Variants in FSD2 observed in about 807,000 individuals in gnomAD.
The protein encoded by FSD2 is fibronectin type III and SPRY domain-containing protein 2.
A neutral mutation model predicts 80.4 loss-of-function variants in FSD2; 71 were observed. The ratio of observed to expected loss-of-function variants is 0.88; its 90% CI spans 0.73 to 1.08. The LOEUF (loss-of-function observed/expected upper bound fraction) is 1.08, where lower values mean the gene tolerates loss of function less well. Ranked by LOEUF, FSD2 falls within the 50% of genes least tolerant of loss-of-function variation. FSD2 has a pLI of 0.00. For missense variants in FSD2, 923 were observed against 913.8 expected (o/e 1.01, Z -0.13); for synonymous variants, 361 against 329.5 (o/e 1.10, Z -1.03).
chr15:82,798,971 G>A lies in FSD2; in HGVS notation c.-79+6995C>T, dbSNP rs887498868. Among the ~76,000 whole-genome samples, 5 of 141,800 alleles carry A rather than the reference G, an allele frequency of 3.5e-5. No homozygotes were observed. The South Asian group carries it at 1.1e-3, about 31-fold the overall frequency. The allele number at this position is 141,800 out of a possible 152,430, so 93.0% of individuals were successfully genotyped here. On this transcript the variant is annotated intron_variant, in intron 1 of 12. Transcript: ENST00000334574. ...CAGCTCACTGCAGCCTTGACCTTCT[G>A]GGCTCAAACAATCCTCCCACCTCAG... is the stretch of plus-strand genomic sequence containing the variant.
chr15:82,765,065 T>C, intron 11 of FSD2, 101 bp downstream of exon 11: 1 of 1,359,866 alleles, frequency 7.4e-7, no homozygotes, highest in Non-Finnish European at 9.8e-7. Flanking sequence ...AGGATTCCTT[T>C]TCCCTCGAGG....
intron 6 of FSD2, among the ~76,000 whole-genome samples, chr15:82,775,019 C>G (rs1411834632): frequency 6.6e-6 from 1 of 151,686 alleles, no homozygotes; most frequent in Non-Finnish European, 1.5e-5. Flanking sequence ...CGCGCCTGGC[C>G]TTGTTTCTAA....
chr15:82,770,426 C>T (rs1183591571), intron 7 of FSD2, among the ~76,000 whole-genome samples: 1 of 152,208 alleles, frequency 6.6e-6, no homozygotes, highest in Non-Finnish European at 1.5e-5. Context: ...AGTCCCAGCA[C>T]TTTGGGAGGC....
chr15:82,793,063 C>G (rs2050187342), intron 1 of FSD2, among the ~76,000 whole-genome samples: 1 of 152,064 alleles, frequency 6.6e-6, no homozygotes. Flanking sequence ...CCACCTGGTC[C>G]TAGACTTTTC....
chr15:82,771,391 C>T (rs1239455385), intron 7 of FSD2, among the ~76,000 whole-genome samples: 1 of 152,230 alleles, frequency 6.6e-6, no homozygotes, highest in African/African-American at 2.4e-5. Context: ...TTGAAATCTT[C>T]ACATGTTCAG....
chr15:82,787,524 G>A lies in FSD2; in HGVS notation c.-78-56C>T. On this transcript the variant is annotated intron_variant, in intron 1 of 12. Coordinates refer to ENST00000334574, the MANE Select transcript of FSD2 (RefSeq NM_001007122.4). The stretch of plus-strand genomic sequence containing the variant: ...TCTGGAGAAGGGCATTGCAGTAGAT[G>A]ATCATTAGATTGGGCTCTACTCATA... 3 of 781,428 alleles carry A rather than the reference G, an allele frequency of 3.8e-6. No homozygotes were observed. The South Asian group carries it at 6.4e-5, about 17-fold the overall frequency. The allele number at this position is 781,428 out of a possible 1,614,324, so 48.4% of individuals were successfully genotyped here. A position where few individuals can be genotyped will look rare whatever the true frequency, so the allele number is the denominator to read the frequency against.
chr15:82,773,739 G>T (rs1179381076), intron 6 of FSD2, among the ~76,000 whole-genome samples: 4 of 152,016 alleles, frequency 2.6e-5, no homozygotes. Flanking sequence ...TTACAGTATG[G>T]TTTACAATGG....
chr15:82,780,158 C>T (rs1038352537), intron 5 of FSD2, 87 bp downstream of exon 5: 17 of 916,634 alleles, frequency 1.9e-5, no homozygotes, highest in Middle Eastern at 2.1e-4. Context: ...AAACTGGAAC[C>T]GTATAACCAA....
At chr15:82,805,682 T>TCC (rs971228372) in intron 1 of FSD2, among the ~76,000 whole-genome samples, 1 of 152,184 alleles carries the variant, frequency 6.6e-6, no homozygotes, top group Non-Finnish European at 1.5e-5. Context: ...AACTAATGGG[T>TCC]CCCAGCACTA....
At chr15:82,797,427 G>GTAATTT (rs2050302743) in intron 1 of FSD2, among the ~76,000 whole-genome samples, 1 of 152,190 alleles carries the variant, frequency 6.6e-6, no homozygotes, top group African/African-American at 2.4e-5. Flanking sequence ...TCTAAAATAT[G>GTAATTT]TAATTTTCAT....
intron 1 of FSD2, among the ~76,000 whole-genome samples, chr15:82,789,939 G>A (rs1234175594): frequency 6.6e-6 from 1 of 152,126 alleles, no homozygotes; most frequent in Non-Finnish European, 1.5e-5. Flanking sequence ...CACTTTTGGA[G>A]GCCAAGATGG....
At chr15:82,778,127 CATATATATAT>C (rs34527251) in intron 6 of FSD2, among the ~76,000 whole-genome samples, 34 of 83,938 alleles carry the variant, frequency 4.1e-4, no homozygotes, top group East Asian at 7.3e-4. Flanking sequence ...ACAAAAAAAC[CATATATATAT>C]ATATATATAT....
Position 82,790,544 on chromosome 15 carries a change from T to TTGTGTGTG in FSD2, c.-78-3084_-78-3077dup, listed in dbSNP as rs57545404. ...TTTCTTCCTGGCACAGAGCTGCCATTTGTGTGTGTGTGTGTGTGTGTGTTC... is the reference window on the plus strand; with the variant it reads ...TTTCTTCCTGGCACAGAGCTGCCATTTGTGTGTGTGTGTGTGTGTGTGTGTGTGTGTTC... On this transcript the variant is annotated intron_variant, in intron 1 of 12. Transcript: ENST00000334574. 2.7e-3 allele frequency among the ~76,000 whole-genome samples: 404 copies of TTGTGTGTG among 148,778 alleles called. 2 individuals are homozygous for TTGTGTGTG. Among genetic ancestry groups the TTGTGTGTG allele is most frequent in the African/African-American group, 7.3e-3 (297 of 40,462 alleles).
intron 7 of FSD2, among the ~76,000 whole-genome samples, chr15:82,770,405 C>T (rs1157646211): frequency 6.6e-6 from 1 of 152,244 alleles, no homozygotes; most frequent in African/African-American, 2.4e-5. Context: ...GGCGCGGTAG[C>T]TCATGCCTAT....
chr15:82,764,925 C>A (rs947253327), intron 11 of FSD2, among the ~76,000 whole-genome samples: 1 of 152,062 alleles, frequency 6.6e-6, no homozygotes, highest in Non-Finnish European at 1.5e-5. Context: ...ACCATGCCCT[C>A]CCAGGGGACC....
At position 82,756,158 on chromosome 15, in the gene FSD2, T is replaced by G. The variant is rs1567292970; in HGVS notation, c.*3190A>C. The G allele has an allele frequency of 3.1e-6, 1 of 327,086 alleles. No individual in the cohort carries two copies. The highest frequency in any genetic ancestry group is 6.2e-6 in the Non-Finnish European group (1 of 160,098). 20.3% of individuals were successfully genotyped at this position (327,086 alleles called of 1,614,324 possible). A position where few individuals can be genotyped will look rare whatever the true frequency, so the allele number is the denominator to read the frequency against. On this transcript the variant is annotated 3_prime_UTR_variant, in exon 13 of 13. Transcript: ENST00000334574. ...ACTGGAGAAAGACATAGTGAACATG[T>G]GAGAATCTTGCTCTACTAATTGATA...
chr15:82,762,032 C>G, intron 12 of FSD2, 70 bp downstream of exon 12: 2 of 1,230,914 alleles, frequency 1.6e-6, no homozygotes, highest in Non-Finnish European at 2.2e-6. Context: ...TTAATTATTG[C>G]TAGTGAAAAG....
At chr15:82,788,504 CAAAAAAAAAA>C (rs11317915) in intron 1 of FSD2, among the ~76,000 whole-genome samples, 6 of 66,218 alleles carry the variant, frequency 9.1e-5, no homozygotes, top group African/African-American at 1.8e-4. Flanking sequence ...GACCCTGTCT[CAAAAAAAAAA>C]AAAAAAAAAA....
At chr15:82,797,797 G>A (rs976020502) in intron 1 of FSD2, among the ~76,000 whole-genome samples, 7 of 151,534 alleles carry the variant, frequency 4.6e-5, no homozygotes, top group African/African-American at 4.9e-5. Flanking sequence ...GCGACAGAGC[G>A]AGACTCCATC....
Sources: allele counts gnomAD v4.1 joint callset (sites outside exome capture counted in the v4.1 genomes callset), GRCh38; gene constraint gnomAD v4.1.1; transcripts MANE v1.5; gene names NCBI Gene and HGNC (gene_info 2026-07-23, HGNC 2026-07-21).